Variants in CAPS observed in about 807,000 individuals in gnomAD.
CAPS encodes calcyphosin.
In CAPS, 16 loss-of-function variants were observed where a neutral mutation model predicts 15.5. The observed-to-expected ratio is 1.03, with a 90% CI of 0.70 to 1.57. The LOEUF (loss-of-function observed/expected upper bound fraction) is 1.57, where lower values mean the gene tolerates loss of function less well. Among genes scored for constraint, CAPS ranks in the 40% most tolerant of loss-of-function variants. The pLI is 0.00. For synonymous variants in CAPS, 121 were observed against 116.0 expected, an observed-to-expected ratio of 1.04 and a Z score of -0.28; for missense variants, 294 against 278.4, an observed-to-expected ratio of 1.06 and a Z score of -0.40.
rs1439051855 is a variant in CAPS at position 5,915,061 on chromosome 19, C to G, written c.383C>G (p.Pro128Arg). Residue 128 changes from proline to arginine, a missense_variant, in exon 4 of 5, where the codon CCC (proline) becomes CGC (arginine). By Grantham distance (103) the Pro-to-Arg change is moderately radical. Coordinates refer to ENST00000588776, the MANE Select transcript of CAPS (RefSeq NM_004058.5). ...GGGGTGTACAGTGGCCGTGCCCACC[C>G]CAAGGTGCGCAGTGGGGAGTGGACC... ...LRGVYSGRAH[P>R]KVRSGEWTED... 4 of 1,612,978 alleles carry G rather than the reference C, an allele frequency of 2.5e-6. No individual in the cohort carries two copies. Among genetic ancestry groups the G allele is most frequent in the Non-Finnish European group, 3.4e-6 (4 of 1,179,838 alleles).
intron 3 of CAPS, 25 bp from the exon 4 acceptor site, chr19:5,914,915 C>A (rs767592729): frequency 1.3e-5 from 20 of 1,587,022 alleles, no homozygotes; most frequent in Middle Eastern, 4.0e-4. Context: ...TACCCACCAC[C>A]CCCAGTCACC....
In CAPS at chr19:5,915,110, C is replaced by T; in HGVS notation, c.432C>T (p.Phe144=). The change falls in exon 4 of 5, where the codon TTC becomes TTT. Residue 144 remains phenylalanine (F), a synonymous_variant. Transcript: ENST00000588776. ...EWTEDEVLRR[F]LDNFDSSEKD... is the part of the protein sequence containing the mutation. ...CCGAGGACGAGGTGCTGCGCCGCTT[C>T]CTGGACAACTTCGACTCCTCTGAGA... 1.2e-6 allele frequency: 2 copies of T among 1,613,234 alleles called. No individual in the cohort carries two copies. The highest frequency in any genetic ancestry group is 1.1e-5 in the South Asian group (1 of 91,084).
At position 5,914,389 on chromosome 19, in the gene CAPS, C is replaced by G; in HGVS notation, c.-18C>G. Reference sequence around the variant, plus strand: ...CTTGACCTCTCTCCCTTCCAGCTGCCCAGAGCCCAGACCAAGCATGGACGC... The same window carrying G: ...CTTGACCTCTCTCCCTTCCAGCTGCGCAGAGCCCAGACCAAGCATGGACGC... On this transcript the variant is annotated 5_prime_UTR_variant, in exon 2 of 5. Transcript: ENST00000588776. The G allele has an allele frequency of 1.2e-6, 2 of 1,613,166 alleles. No homozygotes were observed. The highest frequency in any genetic ancestry group is 1.7e-6 in the Non-Finnish European group (2 of 1,179,964).
rs756427610 is a variant in CAPS, at chr19:5,914,730, G to T, written c.251G>T (p.Arg84Leu). 1 of 1,609,142 alleles carries T rather than the reference G, an allele frequency of 6.2e-7. No homozygotes were observed. The highest frequency in any genetic ancestry group is 2.2e-5 in the East Asian group (1 of 44,850). The change falls in exon 3 of 5, where the codon CGG becomes CTG. Residue 84 changes from arginine to leucine, a missense_variant. Physicochemically the swap from Arg to Leu is moderately radical, Grantham distance 102. Transcript: ENST00000588776. The stretch of plus-strand genomic sequence containing the variant: ...ACGCTGGATCTGGAGGAGTTCCTTC[G>T]GGCGCTGCGGGTGAGCCCCCACCTC... ...SGTLDLEEFL[R>L]ALRPPMSQAR... is the part of the protein sequence containing the mutation.
At position 5,915,334 on chromosome 19, in the gene CAPS, T is replaced by C; in HGVS notation, c.*12T>C. 6.3e-7 allele frequency: 1 copy of C among 1,583,920 alleles called. No individual in the cohort carries two copies. ...CCTGGCAGCTGTGAGCAGCTCCGGC[T>C]CAGCCCTGCTGCCCTGGCCTGTCAC... On this transcript the variant is annotated 3_prime_UTR_variant, in exon 5 of 5. Coordinates refer to ENST00000588776, the MANE Select transcript of CAPS (RefSeq NM_004058.5).
chr19:5,915,167 C>T (rs775477283), intron 4 of CAPS, 21 bp downstream of exon 4: 1 of 1,610,368 alleles, frequency 6.2e-7, no homozygotes, highest in East Asian at 2.2e-5. Context: ...GCGCGGGGGG[C>T]CCCCTCCCCA....
rs936075312 is a variant in CAPS, at chr19:5,915,441, G to C, written c.*119G>C. ...CACCACAGAGCGGGGAGGGGCAGGTGGGGGAATGGAGGCTGCAGGACTGGC... is the reference window on the plus strand; with the variant it reads ...CACCACAGAGCGGGGAGGGGCAGGTCGGGGAATGGAGGCTGCAGGACTGGC... On this transcript the variant is annotated 3_prime_UTR_variant, in exon 5 of 5. Transcript: ENST00000588776. The C allele has an allele frequency of 1.4e-6, 1 of 727,852 alleles. No individual in the cohort carries two copies. The highest frequency in any genetic ancestry group is 2.2e-6 in the Non-Finnish European group (1 of 447,906). The allele number at this position is 727,852 out of a possible 1,614,324, so 45.1% of individuals were successfully genotyped here. A position where few individuals can be genotyped will look rare whatever the true frequency, so the allele number is the denominator to read the frequency against.
chr19:5,915,364 C>T lies in CAPS; in HGVS notation c.*42C>T, dbSNP rs768031406. 1 of 1,439,432 alleles carries T rather than the reference C, an allele frequency of 6.9e-7. No individual in the cohort carries two copies. The highest frequency in any genetic ancestry group is 9.5e-7 in the Non-Finnish European group (1 of 1,051,848). The allele number at this position is 1,439,432 out of a possible 1,614,324, so 89.2% of individuals were successfully genotyped here. On this transcript the variant is annotated 3_prime_UTR_variant, in exon 5 of 5. Transcript: ENST00000588776. ...CCTGCTGCCCTGGCCTGTCACTCCC[C>T]ACCCCTGCCGGAGACCTCCCTTCCC... is the stretch of plus-strand genomic sequence containing the variant.
Position 5,914,639 on chromosome 19 carries a change from G to T in CAPS, c.160G>T (p.Gly54Trp), listed in dbSNP as rs199930097. 1.2e-6 allele frequency: 2 copies of T among 1,613,898 alleles called. No individual in the cohort carries two copies. The highest frequency in any genetic ancestry group is 1.3e-5 in the African/African-American group (1 of 74,944). The change falls in exon 3 of 5, where the codon GGG (glycine) becomes TGG (tryptophan). Residue 54 changes from glycine to tryptophan, a missense_variant. Coordinates refer to ENST00000588776, the MANE Select transcript of CAPS (RefSeq NM_004058.5). The stretch of plus-strand genomic sequence containing the variant: ...GTTCCGGCAGGGTCTGGCCAAACTC[G>T]GGCTGGTGCTGGACCAGGCGGAGGC... ...DEFRQGLAKL[G>W]LVLDQAEAEG...
Position 5,915,265 on chromosome 19 carries a change from CT to C in CAPS, c.514del (p.Ser172ProfsTer2). ...FQDYYSGVSA[S>X]MNTDEEFVAM... ...AGGACTACTACAGCGGCGTGAGTGCCTCCATGAACACGGATGAGGAGTTCGT... is the reference window on the plus strand; with the variant it reads ...AGGACTACTACAGCGGCGTGAGTGCCCCATGAACACGGATGAGGAGTTCGT... On this transcript the variant is annotated frameshift_variant, in exon 5 of 5. Transcript: ENST00000588776. LOFTEE classifies it high-confidence loss of function. The C allele has an allele frequency of 6.2e-7, 1 of 1,613,124 alleles. No individual in the cohort carries two copies. The highest frequency in any genetic ancestry group is 8.5e-7 in the Non-Finnish European group (1 of 1,179,886).
rs1568437830 is a variant in CAPS at position 5,914,583 on chromosome 19, G to GGGACGGGAGCAGATCCCT, written c.110_127dup (p.Gly37_Asp42dup). 13 of 1,609,668 alleles carry GGGACGGGAGCAGATCCCT rather than the reference G, an allele frequency of 8.1e-6. No individual in the cohort carries two copies. Among genetic ancestry groups the GGGACGGGAGCAGATCCCT allele is most frequent in the Non-Finnish European group, 1.1e-5 (13 of 1,177,068 alleles). On this transcript the variant is annotated inframe_insertion, in exon 3 of 5. Transcript: ENST00000588776. ...TCCAGGTTTTTCCGCCAACTAGACCGGGACGGGAGCAGATCCCTGGACGCT... is the reference window on the plus strand; with the variant it reads ...TCCAGGTTTTTCCGCCAACTAGACCGGGACGGGAGCAGATCCCTGGACGGGAGCAGATCCCTGGACGCT...
Position 5,914,585 on chromosome 19 carries a change from G to GA in CAPS, c.107dup (p.Asp36GlufsTer9), listed in dbSNP as rs1220630742. 1.2e-6 allele frequency: 2 copies of GA among 1,611,336 alleles called. No homozygotes were observed. The highest frequency in any genetic ancestry group is 1.7e-5 in the Admixed American group (1 of 59,892). On this transcript the variant is annotated frameshift_variant, in exon 3 of 5. Coordinates refer to ENST00000588776, the MANE Select transcript of CAPS (RefSeq NM_004058.5). LOFTEE classifies it high-confidence loss of function. ...CAGGTTTTTCCGCCAACTAGACCGG[G>GA]ACGGGAGCAGATCCCTGGACGCTGA...
rs202037548 is a variant in CAPS at position 5,915,036 on chromosome 19, G to A, written c.358G>A (p.Gly120Arg). 1.3e-4 allele frequency: 205 copies of A among 1,612,716 alleles called. No individual in the cohort carries two copies. In the Admixed American group the frequency reaches 1.6e-3, roughly 13 times the overall value. ...DGVVTVDDLR[G>R]VYSGRAHPKV... ...CGTCGTGACGGTGGACGACCTCCGCGGGGTGTACAGTGGCCGTGCCCACCC... is the reference window on the plus strand; with the variant it reads ...CGTCGTGACGGTGGACGACCTCCGCAGGGTGTACAGTGGCCGTGCCCACCC... The change falls in exon 4 of 5, where the codon GGG becomes AGG. Residue 120 changes from glycine to arginine, a missense_variant. By Grantham distance (125) the Gly-to-Arg change is moderately radical. Coordinates refer to ENST00000588776, the MANE Select transcript of CAPS (RefSeq NM_004058.5).
rs750337165 is a variant in CAPS at position 5,915,003 on chromosome 19, G to A, written c.325G>A (p.Gly109Arg). ...AAAFAKLDRS[G>R]DGVVTVDDLR... Reference sequence around the variant, plus strand: ...TGCATTTGCCAAGCTGGACCGCAGTGGGGACGGCGTCGTGACGGTGGACGA... The same window carrying A: ...TGCATTTGCCAAGCTGGACCGCAGTAGGGACGGCGTCGTGACGGTGGACGA... The change falls in exon 4 of 5, where the codon GGG (glycine) becomes AGG (arginine). Residue 109 changes from glycine (G) to arginine (R), a missense_variant. Transcript: ENST00000588776. The A allele has an allele frequency of 1.2e-6, 2 of 1,611,726 alleles. No homozygotes were observed. Among genetic ancestry groups the A allele is most frequent in the Non-Finnish European group, 1.7e-6 (2 of 1,179,922 alleles).
In CAPS at chr19:5,915,419, C is replaced by T. The variant is rs972871048; in HGVS notation, c.*97C>T. 14 of 876,636 alleles carry T rather than the reference C, an allele frequency of 1.6e-5. No individual in the cohort carries two copies. The African/African-American group carries it at 1.7e-4, about 10-fold the overall frequency. 54.3% of individuals were successfully genotyped at this position (876,636 alleles called of 1,614,324 possible). ...CCCCTTCTCTCCTGGGCAGCCACAC[C>T]ACAGAGCGGGGAGGGGCAGGTGGGG... On this transcript the variant is annotated 3_prime_UTR_variant, in exon 5 of 5. Coordinates refer to ENST00000588776, the MANE Select transcript of CAPS (RefSeq NM_004058.5).
At position 5,915,128 on chromosome 19, in the gene CAPS, C is replaced by T. The variant is rs779226110; in HGVS notation, c.450C>T (p.Ser150=). The change falls in exon 4 of 5, where the codon TCC becomes TCT. Residue 150 remains serine, a synonymous_variant. Transcript: ENST00000588776. Reference sequence around the variant, plus strand: ...GCCGCTTCCTGGACAACTTCGACTCCTCTGAGAAGGACGGGCAGGTGGGTG... The same window carrying T: ...GCCGCTTCCTGGACAACTTCGACTCTTCTGAGAAGGACGGGCAGGTGGGTG... ...VLRRFLDNFD[S]SEKDGQVTLA... 3.1e-6 allele frequency: 5 copies of T among 1,613,100 alleles called. No individual in the cohort carries two copies. The highest frequency in any genetic ancestry group is 1.7e-5 in the Admixed American group (1 of 59,994).
rs150908885 is a variant in CAPS, at chr19:5,915,656, C to T, written c.*334C>T. 711 of 263,258 alleles carry T rather than the reference C, an allele frequency of 2.7e-3. 2 individuals are homozygous for T. The highest frequency in any genetic ancestry group is 0.012 in the Middle Eastern group (10 of 820). The allele number at this position is 263,258 out of a possible 1,614,324, so 16.3% of individuals were successfully genotyped here. ...ACCCGGACTGCTGCTCCCTGCCCCT[C>T]CCTTGCGGGTCCCCCAGGAAGCCAG... On this transcript the variant is annotated 3_prime_UTR_variant, in exon 5 of 5. Coordinates refer to ENST00000588776, the MANE Select transcript of CAPS (RefSeq NM_004058.5).
Position 5,914,574 on chromosome 19 carries a change from A to G in CAPS, c.95A>G (p.Gln32Arg). Reference protein sequence around the residue: ...GIQGLARFFRQLDRDGSRSLD... With the variant: ...GIQGLARFFRRLDRDGSRSLD... ...TCCCCTGCCTCCAGGTTTTTCCGCC[A>G]ACTAGACCGGGACGGGAGCAGATCC... is the stretch of plus-strand genomic sequence containing the variant. The change falls in exon 3 of 5, where the codon CAA (glutamine) becomes CGA (arginine). Residue 32 changes from glutamine to arginine, a missense_variant. Transcript: ENST00000588776. The G allele has an allele frequency of 6.2e-7, 1 of 1,606,662 alleles. No individual in the cohort carries two copies. Among genetic ancestry groups the G allele is most frequent in the Non-Finnish European group, 8.5e-7 (1 of 1,174,888 alleles).
rs141737540 is a variant in CAPS at position 5,914,997 on chromosome 19, C to T, written c.319C>T (p.Arg107Cys). The T allele has an allele frequency of 1.3e-4, 217 of 1,611,338 alleles. No homozygotes were observed. The Admixed American group carries it at 3.1e-3, about 23-fold the overall frequency. The change falls in exon 4 of 5, where the codon CGC (arginine) becomes TGC (cysteine). Residue 107 changes from arginine to cysteine, a missense_variant. Transcript: ENST00000588776. ...CGCAGCTGCATTTGCCAAGCTGGAC[C>T]GCAGTGGGGACGGCGTCGTGACGGT... ...VIAAAFAKLD[R>C]SGDGVVTVDD...
Sources: allele counts gnomAD v4.1 joint callset, GRCh38; gene constraint gnomAD v4.1.1; transcripts MANE v1.5; gene names NCBI Gene and HGNC (gene_info 2026-07-23, HGNC 2026-07-21).